Variants in FMNL2 observed in about 807,000 individuals in gnomAD.
The protein encoded by FMNL2 is formin like 2.
In FMNL2, 51 loss-of-function variants were observed where a neutral mutation model predicts 130.2. The ratio of observed to expected loss-of-function variants is 0.39; its 90% CI spans 0.31 to 0.49. The LOEUF is 0.49. Ranked by LOEUF, FMNL2 falls within the 20% of genes least tolerant of loss-of-function variation. FMNL2 has a pLI of 0.85. For synonymous variants in FMNL2, 465 were observed against 467.1 expected, an observed-to-expected ratio of 1.00 and a Z score of 0.06; for missense variants, 977 against 1,316.2, an observed-to-expected ratio of 0.74 and a Z score of 3.99.
chr2:152,643,665 T>C (rs1271659477), intron 25 of FMNL2: 1 of 1,441,902 alleles, frequency 6.9e-7, no homozygotes, highest in South Asian at 1.5e-5. Context: ...TCATGCTGCA[T>C]GGTTTTGCAT....
intron 1 of FMNL2, among the ~76,000 whole-genome samples, chr2:152,363,750 T>C (rs537521866): frequency 6.6e-6 from 1 of 152,178 alleles, no homozygotes; most frequent in African/African-American, 2.4e-5. Context: ...TTAGTAGAGA[T>C]GGAGTTTCAC....
intron 1 of FMNL2, among the ~76,000 whole-genome samples, chr2:152,414,104 T>C (rs1686469422): frequency 6.6e-6 from 1 of 152,200 alleles, no homozygotes; most frequent in African/African-American, 2.4e-5. Flanking sequence ...ACCTGTTTTA[T>C]GTTTTTTTTT....
chr2:152,648,690 T>C lies in FMNL2; in HGVS notation c.*785T>C, dbSNP rs929776418. The stretch of plus-strand genomic sequence containing the variant: ...CCATTATTAATTCTGAGAACAGAAA[T>C]TGGTGCCTTGCAAGGAAGTTTACTA... On this transcript the variant is annotated 3_prime_UTR_variant, in exon 26 of 26. Coordinates refer to ENST00000288670, the MANE Select transcript of FMNL2 (RefSeq NM_052905.4). The C allele has an allele frequency of 2.0e-5, 3 of 152,632 alleles. No homozygotes were observed. Among genetic ancestry groups the C allele is most frequent in the Admixed American group, 2.0e-4 (3 of 15,282 alleles). The allele number at this position is 152,632 out of a possible 1,614,324, so 9.5% of individuals were successfully genotyped here.
chr2:152,612,309 T>TA (rs2105869689), intron 11 of FMNL2, among the ~76,000 whole-genome samples: 1 of 152,224 alleles, frequency 6.6e-6, no homozygotes, highest in Non-Finnish European at 1.5e-5. Context: ...CACTTGAGCC[T>TA]AGGAGTTCAA....
chr2:152,366,488 A>AG (rs1683559542), intron 1 of FMNL2, among the ~76,000 whole-genome samples: 2 of 126,144 alleles, frequency 1.6e-5, no homozygotes, highest in Non-Finnish European at 3.1e-5. Context: ...CAACAACAAC[A>AG]AAAAGAATGA....
chr2:152,405,683 C>G (rs1685942850), intron 1 of FMNL2, among the ~76,000 whole-genome samples: 1 of 152,146 alleles, frequency 6.6e-6, no homozygotes, highest in South Asian at 2.1e-4. Context: ...GTTTTAGAAA[C>G]AAAGGCCAAG....
rs1158391663 is a variant in FMNL2 at position 152,590,980 on chromosome 2, C to CTTTTTTTTTTTTTTTTTTTT, written c.876+9956_876+9975dup. 9.1e-5 allele frequency among the ~76,000 whole-genome samples: 6 copies of CTTTTTTTTTTTTTTTTTTTT among 65,792 alleles called. 1 individual carries two copies. The highest frequency in any genetic ancestry group is 1.6e-4 in the Non-Finnish European group (6 of 38,590). 43.2% of individuals were successfully genotyped at this position (65,792 alleles called of 152,430 possible). On this transcript the variant is annotated intron_variant, in intron 9 of 25. Transcript: ENST00000288670. ...CAGAGTTAGATTTTCCCTCTGATAACTTTTTTTTTTTTTTTTTTTTTTTTT... is the reference window on the plus strand; with the variant it reads ...CAGAGTTAGATTTTCCCTCTGATAACTTTTTTTTTTTTTTTTTTTTTTTTTTTTTTTTTTTTTTTTTTTTT...
chr2:152,407,915 G>T (rs1234878109), intron 1 of FMNL2, among the ~76,000 whole-genome samples: 1 of 152,218 alleles, frequency 6.6e-6, no homozygotes, highest in Non-Finnish European at 1.5e-5. Flanking sequence ...AGTTCCTGTA[G>T]CTCTTCCAAG....
At chr2:152,554,153 C>T (rs1234123187) in intron 4 of FMNL2, among the ~76,000 whole-genome samples, 1 of 152,098 alleles carries the variant, frequency 6.6e-6, no homozygotes, top group Non-Finnish European at 1.5e-5. Flanking sequence ...GCCTGCAGTC[C>T]CAGCAACTTT....
chr2:152,589,753 A>G (rs1012461448), intron 9 of FMNL2, among the ~76,000 whole-genome samples: 6 of 151,766 alleles, frequency 4.0e-5, no homozygotes, highest in African/African-American at 1.2e-4. Context: ...TTTGATTGCC[A>G]TTCTGGCATT....
At chr2:152,452,544 CCT>C (rs1688701610) in intron 1 of FMNL2, among the ~76,000 whole-genome samples, 1 of 152,218 alleles carries the variant, frequency 6.6e-6, no homozygotes, top group East Asian at 1.9e-4. Flanking sequence ...TCCTCCCCCC[CCT>C]AGTTTTCTTA....
At chr2:152,555,262 A>C (rs1440170456) in intron 4 of FMNL2, among the ~76,000 whole-genome samples, 2 of 152,066 alleles carry the variant, frequency 1.3e-5, no homozygotes, top group African/African-American at 2.4e-5. Context: ...ATACTTTGAG[A>C]ATCAGTTTGC....
At position 152,648,123 on chromosome 2, in the gene FMNL2, A is replaced by G. The variant is rs1275755561; in HGVS notation, c.*218A>G. 2.0e-6 allele frequency: 1 copy of G among 495,742 alleles called. No individual in the cohort carries two copies. Among genetic ancestry groups the G allele is most frequent in the Admixed American group, 3.8e-5 (1 of 26,520 alleles). 30.7% of individuals were successfully genotyped at this position (495,742 alleles called of 1,614,324 possible). On this transcript the variant is annotated 3_prime_UTR_variant, in exon 26 of 26. Coordinates refer to ENST00000288670, the MANE Select transcript of FMNL2 (RefSeq NM_052905.4). The stretch of plus-strand genomic sequence containing the variant: ...GTACCTGTTCAGATTAATCAAAGCA[A>G]TAGGATTTGATTTGATTAGGTATCT...
intron 1 of FMNL2, among the ~76,000 whole-genome samples, chr2:152,467,250 A>G (rs1349470991): frequency 6.6e-6 from 1 of 152,070 alleles, no homozygotes; most frequent in African/African-American, 2.4e-5. Flanking sequence ...TTTTTCTTGG[A>G]AGTGCCAACA....
chr2:152,409,873 G>T (rs1347287098), intron 1 of FMNL2, among the ~76,000 whole-genome samples: 2 of 152,158 alleles, frequency 1.3e-5, no homozygotes, highest in Admixed American at 6.5e-5. Flanking sequence ...ACTGCACCTG[G>T]TGGATGTAGT....
intron 1 of FMNL2, among the ~76,000 whole-genome samples, chr2:152,339,826 C>T (rs1203456832): frequency 2.0e-5 from 3 of 152,082 alleles, no homozygotes; most frequent in Non-Finnish European, 4.4e-5. Context: ...AGGCCTTTTA[C>T]ATGTTCTCAT....
At chr2:152,505,751 G>A (rs531723146) in intron 1 of FMNL2, among the ~76,000 whole-genome samples, 1 of 152,328 alleles carries the variant, frequency 6.6e-6, no homozygotes, top group East Asian at 1.9e-4. Context: ...GTCTGATAAT[G>A]AGTTATTTAA....
intron 9 of FMNL2, among the ~76,000 whole-genome samples, chr2:152,589,903 G>C (rs997474892): frequency 4.9e-5 from 7 of 142,002 alleles, no homozygotes; most frequent in Non-Finnish European, 7.5e-5. Flanking sequence ...CTGAGTAGCT[G>C]GGACTACAGG....
chr2:152,520,636 T>C (rs374742642), intron 1 of FMNL2, among the ~76,000 whole-genome samples: 1 of 151,586 alleles, frequency 6.6e-6, no homozygotes, highest in South Asian at 2.1e-4. Context: ...TAAAGACAGG[T>C]TATTGTAAAA....
Sources: allele counts gnomAD v4.1 joint callset (sites outside exome capture counted in the v4.1 genomes callset), GRCh38; gene constraint gnomAD v4.1.1; transcripts MANE v1.5; gene names NCBI Gene and HGNC (gene_info 2026-07-23, HGNC 2026-07-21).